Variants in MACROD2 observed in about 807,000 individuals in gnomAD.
MACROD2 encodes the protein ADP-ribose glycohydrolase MACROD2.
A neutral mutation model predicts 70.4 loss-of-function variants in MACROD2; 36 were observed. That is an observed-to-expected ratio of 0.51 (90% CI 0.39 to 0.68). The LOEUF (loss-of-function observed/expected upper bound fraction) is 0.68, where lower values mean the gene tolerates loss of function less well. Among genes scored for constraint, MACROD2 ranks in the 30% least tolerant of loss-of-function variants. MACROD2 has a pLI of 0.00. For missense variants in MACROD2, 496 were observed against 538.4 expected, an observed-to-expected ratio of 0.92 and a Z score of 0.78; for synonymous variants, 172 against 178.8, an observed-to-expected ratio of 0.96 and a Z score of 0.30.
At chr20:14,428,748 G>A (rs376349642) in intron 3 of MACROD2, among the ~76,000 whole-genome samples, 5 of 152,206 alleles carry the variant, frequency 3.3e-5, no homozygotes, top group African/African-American at 7.2e-5. Context: ...CTTATTACCC[G>A]TGAAGATAAA....
chr20:15,286,714 C>G (rs1412377104), intron 6 of MACROD2, among the ~76,000 whole-genome samples: 2 of 152,142 alleles, frequency 1.3e-5, no homozygotes, highest in East Asian at 1.9e-4. Flanking sequence ...CAAGAAGACA[C>G]AGTTCATCAG....
intron 8 of MACROD2, among the ~76,000 whole-genome samples, chr20:15,748,707 C>G (rs1250111099): frequency 6.6e-6 from 1 of 152,110 alleles, no homozygotes; most frequent in Non-Finnish European, 1.5e-5. Flanking sequence ...TGTCTAGTTA[C>G]AGGCTTCCAC....
At chr20:15,806,088 A>T (rs1189274147) in intron 8 of MACROD2, among the ~76,000 whole-genome samples, 3 of 152,136 alleles carry the variant, frequency 2.0e-5, no homozygotes, top group Non-Finnish European at 4.4e-5. Context: ...GAGTTTATGG[A>T]TTTTTCTTCA....
intron 4 of MACROD2, among the ~76,000 whole-genome samples, chr20:14,528,558 T>C (rs2085264126): frequency 2.0e-5 from 3 of 152,196 alleles, no homozygotes; most frequent in Admixed American, 2.0e-4. Flanking sequence ...TTTAGCCACC[T>C]GAACTGCTAA....
At chr20:14,539,981 C>T (rs146612756) in intron 4 of MACROD2, among the ~76,000 whole-genome samples, 235 of 152,172 alleles carry the variant, frequency 1.5e-3, no homozygotes, top group African/African-American at 5.3e-3. Flanking sequence ...ATTTTGAGAC[C>T]GTTTTGCCCT....
At chr20:14,412,462 C>T (rs533930900) in intron 3 of MACROD2, among the ~76,000 whole-genome samples, 4 of 152,256 alleles carry the variant, frequency 2.6e-5, no homozygotes, top group South Asian at 2.1e-4. Flanking sequence ...CATTCTCAAC[C>T]AGTTACAGAC....
At chr20:14,059,572 A>T (rs1309560377) in intron 2 of MACROD2, among the ~76,000 whole-genome samples, 1 of 152,168 alleles carries the variant, frequency 6.6e-6, no homozygotes, top group Non-Finnish European at 1.5e-5. Context: ...AAGCAGCAAT[A>T]TATAAGCTGA....
At chr20:14,512,445 G>A (rs1003725004) in intron 4 of MACROD2, among the ~76,000 whole-genome samples, 1 of 152,122 alleles carries the variant, frequency 6.6e-6, no homozygotes, top group Non-Finnish European at 1.5e-5. Flanking sequence ...GGCCATGTTA[G>A]ACTGAATGAA....
chr20:15,423,192 C>T (rs2046252900), intron 6 of MACROD2, among the ~76,000 whole-genome samples: 1 of 152,154 alleles, frequency 6.6e-6, no homozygotes, highest in South Asian at 2.1e-4. Flanking sequence ...GCTTACATGG[C>T]TATGGGTTGG....
At chr20:15,207,914 A>T (rs2076725913) in intron 5 of MACROD2, among the ~76,000 whole-genome samples, 1 of 152,096 alleles carries the variant, frequency 6.6e-6, no homozygotes, top group African/African-American at 2.4e-5. Flanking sequence ...TATTCAGTTA[A>T]GTTCACTAAA....
chr20:14,050,357 G>A (rs1049431973), intron 2 of MACROD2, among the ~76,000 whole-genome samples: 2 of 152,284 alleles, frequency 1.3e-5, no homozygotes, highest in East Asian at 1.9e-4. Context: ...CAAAAGTAAA[G>A]CCTTCCTTAT....
chr20:15,796,665 G>T (rs1354489620), intron 8 of MACROD2, among the ~76,000 whole-genome samples: 1 of 152,048 alleles, frequency 6.6e-6, no homozygotes, highest in African/African-American at 2.4e-5. Flanking sequence ...GCAGAGTGCC[G>T]GGCATTTGGC....
chr20:14,586,804 C>T (rs1981410769), intron 4 of MACROD2, among the ~76,000 whole-genome samples: 1 of 151,918 alleles, frequency 6.6e-6, no homozygotes, highest in African/African-American at 2.4e-5. Context: ...GGCTTTTGTT[C>T]TGTGTCACTG....
intron 8 of MACROD2, among the ~76,000 whole-genome samples, chr20:15,819,972 C>T (rs1468716369): frequency 6.6e-6 from 1 of 152,100 alleles, no homozygotes; most frequent in African/African-American, 2.4e-5. Flanking sequence ...AATGGCTTCA[C>T]TGTAGTACCT....
intron 6 of MACROD2, among the ~76,000 whole-genome samples, chr20:15,357,352 T>A (rs747535216): frequency 1.3e-4 from 20 of 152,194 alleles, no homozygotes; most frequent in Non-Finnish European, 2.6e-4. Context: ...TTCAATTTTT[T>A]AAAAATAACC....
chr20:14,397,036 C>G (rs2083589120), intron 3 of MACROD2, among the ~76,000 whole-genome samples: 1 of 145,856 alleles, frequency 6.9e-6, no homozygotes, highest in African/African-American at 2.5e-5. Flanking sequence ...GCTCTGTCGC[C>G]CAGGTTGGAG....
At chr20:15,227,032 A>T (rs1249644944) in intron 5 of MACROD2, among the ~76,000 whole-genome samples, 1 of 152,098 alleles carries the variant, frequency 6.6e-6, no homozygotes, top group African/African-American at 2.4e-5. Flanking sequence ...CCTCATATTG[A>T]TTCACCTCCA....
intron 12 of MACROD2, among the ~76,000 whole-genome samples, chr20:15,966,755 A>T (rs1265005124): frequency 6.6e-6 from 1 of 152,138 alleles, no homozygotes; most frequent in Non-Finnish European, 1.5e-5. Flanking sequence ...AGTGTCTGGC[A>T]TATACTTGGC....
intron 12 of MACROD2, among the ~76,000 whole-genome samples, chr20:15,944,797 A>G (rs1040265775): frequency 6.6e-6 from 1 of 152,206 alleles, no homozygotes; most frequent in African/African-American, 2.4e-5. Flanking sequence ...AAAATATTAC[A>G]TATAATCACA....
Sources: gnomAD v4.1 joint callset for allele counts (sites outside exome capture counted in the v4.1 genomes callset) on GRCh38, gnomAD v4.1.1 for gene constraint, MANE v1.5 for transcripts, NCBI Gene and HGNC (gene_info 2026-07-23, HGNC 2026-07-21) for gene names.